The following RUSC1 variants were observed in gnomAD, a reference collection of about 807,000 sequenced individuals.
RUSC1 encodes RUN and SH3 domain containing 1.
RUSC1 carries 40 observed loss-of-function variants against 72.1 expected under a neutral mutation model. That is an observed-to-expected ratio of 0.55 (90% confidence interval 0.43 to 0.72). The LOEUF (loss-of-function observed/expected upper bound fraction) is 0.72. RUSC1 is among the 30% of genes least tolerant of loss of function. The pLI, the probability that RUSC1 is intolerant of heterozygous loss-of-function variation, is 0.00. For synonymous variants in RUSC1, 512 were observed against 494.2 expected, an observed-to-expected ratio of 1.04 and a Z score of -0.48; for missense variants, 1,092 against 1,172.3, an observed-to-expected ratio of 0.93 and a Z score of 1.00.
Position 155,326,848 on chromosome 1 carries a change from C to T in RUSC1, c.2130C>T (p.Ser710=), listed in dbSNP as rs750732069. 2 of 1,613,682 alleles carry T rather than the reference C, an allele frequency of 1.2e-6. No individual in the cohort carries two copies. Among genetic ancestry groups the T allele is most frequent in the South Asian group, 1.1e-5 (1 of 91,086 alleles). The part of the protein sequence containing the change: ...GRLAQSLRGT[S]KEAASDPSDS... ...TGGCCCAGAGCCTTCGGGGGACTTC[C>T]AAGGAAGCTGCTTCAGACCCCTCTG... Residue 710 remains serine (S), a synonymous_variant, in exon 8 of 10, where the codon TCC becomes TCT. Coordinates refer to ENST00000368352, the MANE Select transcript of RUSC1 (RefSeq NM_001105203.2). The surrounding 1 kb of genome is among the most constrained non-coding windows in gnomAD (Gnocchi z 4.7).
In RUSC1 at chr1:155,330,919, C is replaced by A. The variant is rs944721910; in HGVS notation, c.*348C>A. 5.5e-6 allele frequency: 1 copy of A among 181,062 alleles called. No individual in the cohort carries two copies. The highest frequency in any genetic ancestry group is 2.4e-5 in the African/African-American group (1 of 41,888). 11.2% of individuals were successfully genotyped at this position (181,062 alleles called of 1,614,324 possible). On this transcript the variant is annotated 3_prime_UTR_variant, in exon 10 of 10. Coordinates refer to ENST00000368352, the MANE Select transcript of RUSC1 (RefSeq NM_001105203.2). ...TGTGCCAGTACAATACATGCCTCAG[C>A]CCCCAAGCCTAGAAGGACCTCTAGT...
At chr1:155,324,464 C>T (rs1651029539) in intron 2 of RUSC1, 2 of 1,611,684 alleles carry the variant, frequency 1.2e-6, no homozygotes, top group African/African-American at 1.3e-5. Context: ...GACTGGGCCC[C>T]GGGGCGGTGC....
intron 2 of RUSC1, chr1:155,324,563 C>T (rs746499776): frequency 1.2e-5 from 19 of 1,580,946 alleles, no homozygotes; most frequent in Non-Finnish European, 1.4e-5. Context: ...GGCCATCCCG[C>T]TCCCGGAGTT....
intron 1 of RUSC1, chr1:155,321,487 A>C (rs764329256): frequency 1.4e-6 from 2 of 1,474,742 alleles, no homozygotes; most frequent in Non-Finnish European, 1.8e-6. Context: ...TCCCGGCTCC[A>C]TTCCCGGGGG....
Position 155,322,648 on chromosome 1 carries a change from C to T in RUSC1, c.875C>T (p.Ala292Val), listed in dbSNP as rs750460847. Residue 292 changes from alanine to valine, a missense_variant, in exon 2 of 10, where the codon GCA becomes GTA. Ala to Val is a moderately conservative substitution (Grantham distance 64). Coordinates refer to ENST00000368352, the MANE Select transcript of RUSC1 (RefSeq NM_001105203.2). ...RITDSGSKTD[A>V]GKIDGGWRSD... The stretch of plus-strand genomic sequence containing the variant: ...ACTGATTCTGGCTCGAAAACAGATG[C>T]AGGGAAAATTGATGGAGGATGGAGA... The T allele has an allele frequency of 6.2e-7, 1 of 1,614,126 alleles. No homozygotes were observed. Among genetic ancestry groups the T allele is most frequent in the Non-Finnish European group, 8.5e-7 (1 of 1,180,054 alleles).
At position 155,329,850 on chromosome 1, in the gene RUSC1, C is replaced by T. The variant is rs937247006; in HGVS notation, c.2541-553C>T. 2.7e-5 allele frequency among the ~76,000 whole-genome samples: 4 copies of T among 147,760 alleles called. No individual in the cohort carries two copies. In the Admixed American group the frequency reaches 2.7e-4, roughly 10 times the overall value. On this transcript the variant is annotated intron_variant, in intron 9 of 9. Transcript: ENST00000368352. ...GTGGGCACTTGTAGTCCCAGCTACT[C>T]GGGAGGCTGAGGCAGGAGAATTGCT...
Position 155,326,851 on chromosome 1 carries a change from G to A in RUSC1, c.2133G>A (p.Lys711=), listed in dbSNP as rs766868915. 6.2e-7 allele frequency: 1 copy of A among 1,613,690 alleles called. No individual in the cohort carries two copies. Among genetic ancestry groups the A allele is most frequent in the Non-Finnish European group, 8.5e-7 (1 of 1,180,048 alleles). The part of the protein sequence containing the change: ...RLAQSLRGTS[K]EAASDPSDSP... The stretch of plus-strand genomic sequence containing the variant: ...CCCAGAGCCTTCGGGGGACTTCCAA[G>A]GAAGCTGCTTCAGACCCCTCTGACT... The change falls in exon 8 of 10, where the codon AAG becomes AAA. Residue 711 remains lysine (K), a synonymous_variant. Coordinates refer to ENST00000368352, the MANE Select transcript of RUSC1 (RefSeq NM_001105203.2). The surrounding 1 kb of genome is among the most constrained non-coding windows in gnomAD (Gnocchi z 4.7).
In RUSC1 at chr1:155,326,639, C is replaced by T. The variant is rs1285134560; in HGVS notation, c.1921C>T (p.Pro641Ser). ...TTTCTCCCTGGCCCGCGGTGGTTGTCCCTCCCTGTCCACAGAGCTGCTGCT... is the reference window on the plus strand; with the variant it reads ...TTTCTCCCTGGCCCGCGGTGGTTGTTCCTCCCTGTCCACAGAGCTGCTGCT... ...GFFSLARGGCPSLSTELLLLL... is the reference protein window; with the variant it reads ...GFFSLARGGCSSLSTELLLLL... The change falls in exon 8 of 10, where the codon CCC becomes TCC. Residue 641 changes from proline (P) to serine (S), a missense_variant. By Grantham distance (74) the Pro-to-Ser change is moderately conservative. Transcript: ENST00000368352. The surrounding 1 kb of genome is among the most constrained non-coding windows in gnomAD (Gnocchi z 4.7). 1 of 1,614,020 alleles carries T rather than the reference C, an allele frequency of 6.2e-7. No homozygotes were observed.
At chr1:155,330,340 CCTGGGGACGG>C in intron 9 of RUSC1, 53 bp from the exon 10 acceptor site, 2 of 1,568,904 alleles carry the variant, frequency 1.3e-6, no homozygotes, top group Admixed American at 1.7e-5. Context: ...AGAGGTGACG[CCTGGGGACGG>C]CTGGGCAGCC....
At chr1:155,324,603 T>C in intron 2 of RUSC1, 4 of 1,543,198 alleles carry the variant, frequency 2.6e-6, no homozygotes, top group Non-Finnish European at 3.5e-6. Context: ...GGCTGTGCCC[T>C]GAGGGAGGGC....
chr1:155,326,274 T>G lies in RUSC1; in HGVS notation c.1862-306T>G. 1 of 544,736 alleles carries G rather than the reference T, an allele frequency of 1.8e-6. No individual in the cohort carries two copies. Among genetic ancestry groups the G allele is most frequent in the East Asian group, 3.1e-5 (1 of 32,196 alleles). The allele number at this position is 544,736 out of a possible 1,614,324, so 33.7% of individuals were successfully genotyped here. On this transcript the variant is annotated intron_variant, in intron 7 of 9. Coordinates refer to ENST00000368352, the MANE Select transcript of RUSC1 (RefSeq NM_001105203.2). The surrounding 1 kb of genome is among the most constrained non-coding windows in gnomAD (Gnocchi z 4.7). ...CCCCAGTGAGGCCCTACCTCTACCC[T>G]CGGACTAGGCCAACCCCCACGCCTC... is the stretch of plus-strand genomic sequence containing the variant.
Position 155,330,519 on chromosome 1 carries a change from G to A in RUSC1, c.2657G>A (p.Arg886Gln), listed in dbSNP as rs766707526. The A allele has an allele frequency of 9.3e-6, 15 of 1,613,542 alleles. No homozygotes were observed. Among genetic ancestry groups the A allele is most frequent in the Admixed American group, 3.3e-5 (2 of 59,952 alleles). ...GATGAGGACTGGCTCCGCTGTGGGC[G>A]GGATGGCATGGAGGGTCTGGTGCCT... is the stretch of plus-strand genomic sequence containing the variant. ...TVDEDWLRCG[R>Q]DGMEGLVPVG... The change falls in exon 10 of 10, where the codon CGG (arginine) becomes CAG (glutamine). Residue 886 changes from arginine (R) to glutamine (Q), a missense_variant. By Grantham distance (43) the Arg-to-Gln change is conservative. Transcript: ENST00000368352.
At position 155,322,803 on chromosome 1, in the gene RUSC1, A is replaced by T. The variant is rs752997148; in HGVS notation, c.1030A>T (p.Ile344Leu). 6.2e-7 allele frequency: 1 copy of T among 1,613,956 alleles called. No homozygotes were observed. Residue 344 changes from isoleucine to leucine, a missense_variant, in exon 2 of 10, where the codon ATA (isoleucine) becomes TTA (leucine). Coordinates refer to ENST00000368352, the MANE Select transcript of RUSC1 (RefSeq NM_001105203.2). ...GAAGAAAGATCGCAGTGACTGGCTC[A>T]TAGTCTTCTCGCCCGACACCGAGCT... ...QAKKDRSDWL[I>L]VFSPDTELPP...
chr1:155,330,337 A>G, intron 9 of RUSC1, 66 bp from the exon 10 acceptor site: 5 of 1,549,374 alleles, frequency 3.2e-6, no homozygotes, highest in South Asian at 2.3e-5. Flanking sequence ...TCTAGAGGTG[A>G]CGCCTGGGGA....
chr1:155,324,660 T>C lies in RUSC1; in HGVS notation c.1358-185T>C, dbSNP rs1423780154. The C allele has an allele frequency of 2.0e-6, 3 of 1,530,560 alleles. No homozygotes were observed. The African/African-American group carries it at 4.1e-5, about 21-fold the overall frequency. 94.8% of individuals were successfully genotyped at this position (1,530,560 alleles called of 1,614,324 possible). A position where few individuals can be genotyped will look rare whatever the true frequency, so the allele number is the denominator to read the frequency against. ...GGGGGACAGCGAGTGCTGGGAAGTG[T>C]GCGAGATTTCACTCCGGGGCTCGGG... On this transcript the variant is annotated intron_variant, in intron 2 of 9. Transcript: ENST00000368352.
In RUSC1 at chr1:155,324,850, A is replaced by G. The variant is rs780613734; in HGVS notation, c.1363A>G (p.Ser455Gly). ...CCCTTCTTCCCTTACGCCAGTCCGTAGTTCGTGGTCCTTCGCCGGTGTCCC... is the reference window on the plus strand; with the variant it reads ...CCCTTCTTCCCTTACGCCAGTCCGTGGTTCGTGGTCCTTCGCCGGTGTCCC... ...PGAQAGLEVR[S>G]SWSFAGVPGA... The change falls in exon 3 of 10, where the codon AGT becomes GGT. Residue 455 changes from serine (S) to glycine (G), a missense_variant. Ser to Gly is a moderately conservative substitution (Grantham distance 56, BLOSUM62 0). Transcript: ENST00000368352. 1 of 1,614,202 alleles carries G rather than the reference A, an allele frequency of 6.2e-7. No individual in the cohort carries two copies. The highest frequency in any genetic ancestry group is 2.2e-5 in the East Asian group (1 of 44,878).
chr1:155,329,672 G>A (rs887268291), intron 9 of RUSC1, among the ~76,000 whole-genome samples: 10 of 151,924 alleles, frequency 6.6e-5, no homozygotes, highest in Non-Finnish European at 1.3e-4. Flanking sequence ...GATTACAGGC[G>A]TGAGCCACCA....
chr1:155,330,361 C>T (rs1451883199), intron 9 of RUSC1, 42 bp from the exon 10 acceptor site: 1 of 1,609,126 alleles, frequency 6.2e-7, no homozygotes, highest in Non-Finnish European at 8.5e-7. Context: ...CTGGGCAGCC[C>T]CACCTCACCT....
chr1:155,322,458 T>C lies in RUSC1; in HGVS notation c.685T>C (p.Trp229Arg). 5.6e-6 allele frequency: 9 copies of C among 1,613,994 alleles called. No individual in the cohort carries two copies. The highest frequency in any genetic ancestry group is 7.6e-6 in the Non-Finnish European group (9 of 1,179,922). ...KIDAGKTEPS[W>R]KINPIWKIDT... ...CGACGCTGGGAAAACGGAGCCCAGTTGGAAGATTAACCCAATTTGGAAAAT... is the reference window on the plus strand; with the variant it reads ...CGACGCTGGGAAAACGGAGCCCAGTCGGAAGATTAACCCAATTTGGAAAAT... The change falls in exon 2 of 10, where the codon TGG (tryptophan) becomes CGG (arginine). Residue 229 changes from tryptophan (W) to arginine (R), a missense_variant. By Grantham distance (101) the Trp-to-Arg change is moderately radical (BLOSUM62 -3). Coordinates refer to ENST00000368352, the MANE Select transcript of RUSC1 (RefSeq NM_001105203.2).
Sources: gnomAD v4.1 joint callset for allele counts (sites outside exome capture counted in the v4.1 genomes callset) on GRCh38, gnomAD v4.1.1 for gene constraint, Gnocchi (gnomAD v3.1) non-coding constraint, MANE v1.5 for transcripts, NCBI Gene and HGNC (gene_info 2026-07-23, HGNC 2026-07-21) for gene names.